RGS8: variants seen among roughly 807,000 people sequenced by gnomAD.
RGS8 encodes the protein regulator of G protein signaling 8.
RGS8 carries 8 observed loss-of-function variants against 21.7 expected under a neutral mutation model. That is an observed-to-expected ratio of 0.37 (90% CI 0.22 to 0.66). RGS8 has a LOEUF of 0.66. RGS8 is among the 30% of genes least tolerant of loss of function. The pLI is 0.59. For synonymous variants in RGS8, 80 were observed against 83.6 expected, an observed-to-expected ratio of 0.96 and a Z score of 0.24; for missense variants, 157 against 217.9, an observed-to-expected ratio of 0.72 and a Z score of 1.76.
At chr1:182,747,011 T>C in the RGS8 span, among the ~76,000 whole-genome samples, 1 of 138,734 alleles carries the variant, frequency 7.2e-6, no homozygotes. Flanking sequence ...CCCAAGTAGC[T>C]GGGACTACAG....
At chr1:182,730,521 C>T in the RGS8 span, among the ~76,000 whole-genome samples, 1 of 151,922 alleles carries the variant, frequency 6.6e-6, no homozygotes, top group East Asian at 1.9e-4. Context: ...ACCAGCCTGG[C>T]TAACATGGCG....
chr1:182,676,774 C>G (rs530819601), upstream of RGS8, among the ~76,000 whole-genome samples: 200 of 152,270 alleles, frequency 1.3e-3, 1 homozygote, highest in African/African-American at 4.4e-3. Flanking sequence ...GAAGAAAGGG[C>G]CTTTGGTACT....
At chr1:182,692,598 T>A in the RGS8 span, among the ~76,000 whole-genome samples, 1 of 150,782 alleles carries the variant, frequency 6.6e-6, no homozygotes, top group Non-Finnish European at 1.5e-5. Flanking sequence ...ACCAATGATA[T>A]TTTTCACAGA....
the RGS8 span, among the ~76,000 whole-genome samples, chr1:182,741,873 CG>C: frequency 7.7e-6 from 1 of 130,088 alleles, no homozygotes; most frequent in East Asian, 2.4e-4. Flanking sequence ...GCTGGCCGGG[CG>C]GGGGGCTGAC....
chr1:182,732,950 C>T, the RGS8 span, among the ~76,000 whole-genome samples: 1 of 152,178 alleles, frequency 6.6e-6, no homozygotes, highest in Non-Finnish European at 1.5e-5. Flanking sequence ...GCAAAGCCAT[C>T]ACAGCTTAAT....
upstream of RGS8, among the ~76,000 whole-genome samples, chr1:182,689,559 T>C (rs1664779646): frequency 6.6e-6 from 1 of 152,068 alleles, no homozygotes; most frequent in South Asian, 2.1e-4. Flanking sequence ...GTGATGAGAA[T>C]GCAGAGCCCA....
chr1:182,648,193 C>T (rs1380358949), exon 6 of RGS8: 5 of 1,613,700 alleles, frequency 3.1e-6, no homozygotes, highest in Non-Finnish European at 4.2e-6. Flanking sequence ...GCCTTAGAGA[C>T]CAGTTTTGCA....
the RGS8 span, among the ~76,000 whole-genome samples, chr1:182,733,509 A>T: frequency 6.6e-6 from 1 of 152,180 alleles, no homozygotes; most frequent in African/African-American, 2.4e-5. Flanking sequence ...CTAGGGCTGG[A>T]ATTTGGGACC....
chr1:182,720,401 A>G, the RGS8 span, among the ~76,000 whole-genome samples: 2 of 152,200 alleles, frequency 1.3e-5, no homozygotes, highest in Non-Finnish European at 2.9e-5. Flanking sequence ...CTGCTATGTA[A>G]GAGTATAGCC....
At chr1:182,702,075 A>C in the RGS8 span, among the ~76,000 whole-genome samples, 1 of 152,242 alleles carries the variant, frequency 6.6e-6, no homozygotes, top group Non-Finnish European at 1.5e-5. Context: ...CAATCCCATT[A>C]CTGGGTATAT....
the RGS8 span, among the ~76,000 whole-genome samples, chr1:182,742,532 C>T: frequency 2.0e-5 from 3 of 152,236 alleles, no homozygotes; most frequent in African/African-American, 7.2e-5. Context: ...CGGTTAGGAG[C>T]TGGAGACCAG....
the RGS8 span, among the ~76,000 whole-genome samples, chr1:182,710,425 T>C: frequency 1.2e-4 from 18 of 152,248 alleles, no homozygotes; most frequent in African/African-American, 4.3e-4. Flanking sequence ...CATAACCCCC[T>C]ATGGCTCTGT....
At chr1:182,702,653 T>C in the RGS8 span, among the ~76,000 whole-genome samples, 5 of 152,258 alleles carry the variant, frequency 3.3e-5, no homozygotes, top group East Asian at 7.7e-4. Flanking sequence ...AAAATATTTA[T>C]ATCATCAGTG....
chr1:182,662,707 CCCAGCGTG>C lies in RGS8; in HGVS notation c.193+3254_193+3261del, dbSNP rs1473433113. On this transcript the variant is annotated intron_variant, in intron 5 of 6. Transcript: ENST00000483095. ...GATTCTATTTGGAATCTTGAGGCCACCCAGCGTGTAGTCAGCACACTGCATTGTTTCCT... is the reference window on the plus strand; with the variant it reads ...GATTCTATTTGGAATCTTGAGGCCACTAGTCAGCACACTGCATTGTTTCCT... Among the ~76,000 whole-genome samples the C allele has an allele frequency of 1.2e-4, 19 of 152,292 alleles. No individual in the cohort carries two copies. In the South Asian group the frequency reaches 3.7e-3, roughly 30 times the overall value.
chr1:182,693,392 A>G, the RGS8 span, among the ~76,000 whole-genome samples: 1 of 152,256 alleles, frequency 6.6e-6, no homozygotes, highest in Non-Finnish European at 1.5e-5. Flanking sequence ...TAATCATTAG[A>G]GAAATACAAA....
intron 5 of RGS8, among the ~76,000 whole-genome samples, chr1:182,659,909 A>AG (rs1663501538): frequency 6.6e-6 from 1 of 152,128 alleles, no homozygotes. Flanking sequence ...GGAGGTTTGA[A>AG]GGGGGCCTGC....
the RGS8 span, among the ~76,000 whole-genome samples, chr1:182,737,279 C>T: frequency 1.0e-5 from 1 of 100,262 alleles, no homozygotes; most frequent in East Asian, 2.8e-4. Flanking sequence ...ATCTTAATCT[C>T]ATAGGTAAAA....
At chr1:182,669,898 G>T in intron 2 of RGS8, 146 bp from the exon 4 acceptor site, 2 of 877,642 alleles carry the variant, frequency 2.3e-6, no homozygotes, top group Non-Finnish European at 1.6e-6. Context: ...CTTAGCAGGG[G>T]CGACAAACCA....
the RGS8 span, among the ~76,000 whole-genome samples, chr1:182,737,938 C>G: frequency 6.6e-6 from 1 of 152,176 alleles, no homozygotes. Context: ...ATGACTGCAA[C>G]CCAATTGAAG....
Sources: allele counts gnomAD v4.1 joint callset (sites outside exome capture counted in the v4.1 genomes callset), GRCh38; gene constraint gnomAD v4.1.1; transcripts MANE v1.5; gene names NCBI Gene and HGNC (gene_info 2026-07-23, HGNC 2026-07-21).